The following CCDC149 variants were observed in gnomAD, a reference collection of about 807,000 sequenced individuals.
CCDC149 encodes the protein coiled-coil domain containing 149.
CCDC149 carries 45 observed loss-of-function variants against 59.9 expected under a neutral mutation model. The ratio of observed to expected loss-of-function variants is 0.75; its 90% CI spans 0.59 to 0.96. The LOEUF is 0.96. CCDC149 is among the 40% of genes least tolerant of loss of function. The pLI, the probability that CCDC149 is intolerant of heterozygous loss-of-function variation, is 0.00. For missense variants in CCDC149, 584 were observed against 664.7 expected, an observed-to-expected ratio of 0.88 and a Z score of 1.33; for synonymous variants, 245 against 260.6, an observed-to-expected ratio of 0.94 and a Z score of 0.58.
Position 24,814,785 on chromosome 4 carries a change from T to C in CCDC149, c.1192+5074A>G, listed in dbSNP as rs542028580. ...ATTCAAGGCCTTCCACGACTCAACA[T>C]CCATCTACATTTCTACCTGGCAAAC... On this transcript the variant is annotated intron_variant, in intron 12 of 12. Transcript: ENST00000635206. 3.9e-5 allele frequency among the ~76,000 whole-genome samples: 6 copies of C among 152,094 alleles called. No homozygotes were observed. The South Asian group carries it at 1.2e-3, about 32-fold the overall frequency.
chr4:24,848,367 G>A (rs899052986), intron 4 of CCDC149, among the ~76,000 whole-genome samples: 1 of 152,066 alleles, frequency 6.6e-6, no homozygotes, highest in South Asian at 2.1e-4. Flanking sequence ...TCAAGAGATC[G>A]AGACCATCCT....
rs907777506 is a variant in CCDC149, at chr4:24,912,991, T to C, written c.-112A>G. ...AGAGGGCCCGGCGCCTCCGAGCCGC[T>C]GCGCCGCCGCCTCTCGCGGCCGCCA... On this transcript the variant is annotated 5_prime_UTR_variant, in exon 1 of 13. Transcript: ENST00000635206. The C allele has an allele frequency of 4.6e-5, 14 of 307,034 alleles. No homozygotes were observed. The highest frequency in any genetic ancestry group is 3.0e-4 in the African/African-American group (13 of 43,780). 19.0% of individuals were successfully genotyped at this position (307,034 alleles called of 1,614,324 possible).
intron 11 of CCDC149, among the ~76,000 whole-genome samples, chr4:24,820,810 A>C (rs771554398): frequency 2.6e-5 from 4 of 152,178 alleles, no homozygotes; most frequent in Non-Finnish European, 5.9e-5. Context: ...CTTTGTATCT[A>C]TGTGGAGACC....
Position 24,882,672 on chromosome 4 carries a change from A to C in CCDC149, c.64-5975T>G, listed in dbSNP as rs372553619. 4.6e-5 allele frequency among the ~76,000 whole-genome samples: 7 copies of C among 152,288 alleles called. No individual in the cohort carries two copies. In the East Asian group the frequency reaches 1.4e-3, roughly 29 times the overall value. ...TTCATGTATTTGCTGAAGAAAAATC[A>C]GTGTGTTTGATCCCTGGCTGCTGCC... is the stretch of plus-strand genomic sequence containing the variant. On this transcript the variant is annotated intron_variant, in intron 1 of 12. Transcript: ENST00000635206.
intron 12 of CCDC149, among the ~76,000 whole-genome samples, chr4:24,811,872 C>CAAA (rs35269758): frequency 1.3e-4 from 17 of 135,012 alleles, no homozygotes; most frequent in African/African-American, 4.4e-4. Flanking sequence ...GACTCCGACT[C>CAAA]AAAAAAAAAA....
chr4:24,891,133 A>G (rs546407459), intron 1 of CCDC149, among the ~76,000 whole-genome samples: 3 of 152,170 alleles, frequency 2.0e-5, no homozygotes, highest in South Asian at 2.1e-4. Context: ...CTTTCCATAA[A>G]CTCCAGATAC....
In CCDC149 at chr4:24,952,361, G is replaced by T. The variant is rs1723315173; in HGVS notation, c.-65+27708C>A. Reference sequence around the variant, plus strand: ...AATCCCAGCATTTTGGGATGCCAAGGCAGGAGGATCACTTGAGGTCGGGAG... The same window carrying T: ...AATCCCAGCATTTTGGGATGCCAAGTCAGGAGGATCACTTGAGGTCGGGAG... On this transcript the variant is annotated intron_variant, in intron 1 of 12. Transcript: ENST00000389609. Among the ~76,000 whole-genome samples the T allele has an allele frequency of 2.6e-5, 4 of 151,788 alleles. No homozygotes were observed. In the South Asian group the frequency reaches 8.3e-4, roughly 32 times the overall value.
At chr4:24,864,257 T>C (rs1486855364) in intron 3 of CCDC149, among the ~76,000 whole-genome samples, 3 of 152,186 alleles carry the variant, frequency 2.0e-5, no homozygotes, top group African/African-American at 7.2e-5. Flanking sequence ...AAAGGTTAGG[T>C]ATCATTAAAT....
chr4:24,943,178 T>C (rs1722999078), intron 1 of CCDC149, among the ~76,000 whole-genome samples: 1 of 152,180 alleles, frequency 6.6e-6, no homozygotes, highest in Admixed American at 6.5e-5. Flanking sequence ...CAAAACAGCA[T>C]GGTACTGGTA....
At chr4:24,921,404 C>A (rs910135433) in intron 1 of CCDC149, among the ~76,000 whole-genome samples, 5 of 152,230 alleles carry the variant, frequency 3.3e-5, no homozygotes, top group African/African-American at 7.2e-5. Context: ...TTCTCTCCCC[C>A]ATTCAACACC....
At chr4:24,908,232 C>T (rs1223752768) in intron 1 of CCDC149, among the ~76,000 whole-genome samples, 1 of 152,154 alleles carries the variant, frequency 6.6e-6, no homozygotes, top group Non-Finnish European at 1.5e-5. Flanking sequence ...CTAAGCTGAT[C>T]CACTTTGGTT....
intron 1 of CCDC149, among the ~76,000 whole-genome samples, chr4:24,924,812 C>T (rs1258141896): frequency 6.6e-6 from 1 of 152,128 alleles, no homozygotes; most frequent in African/African-American, 2.4e-5. Context: ...GTCCAGATGC[C>T]ACCTCTTGAG....
intron 4 of CCDC149, among the ~76,000 whole-genome samples, chr4:24,852,371 G>A (rs1344531596): frequency 6.7e-6 from 1 of 149,914 alleles, no homozygotes; most frequent in Non-Finnish European, 1.5e-5. Context: ...CATCTCTGTT[G>A]CAAAAGCCAC....
chr4:24,875,187 G>A (rs928101176), intron 2 of CCDC149, among the ~76,000 whole-genome samples: 6 of 151,930 alleles, frequency 3.9e-5, no homozygotes, highest in African/African-American at 1.2e-4. Context: ...AAAATTAGCC[G>A]AGCATGGTGG....
In CCDC149 at chr4:24,809,303, T is replaced by C. The variant is rs192099876; in HGVS notation, c.1193-484A>G. Among the ~76,000 whole-genome samples, 197 of 152,348 alleles carry C rather than the reference T, an allele frequency of 1.3e-3. 1 individual carries two copies. The highest frequency in any genetic ancestry group is 4.5e-3 in the African/African-American group (189 of 41,572). ...CGATTCTCCATCAGCATCTCATTCC[T>C]TAATGCGGACACCTAGTGTTCCTCA... is the stretch of plus-strand genomic sequence containing the variant. On this transcript the variant is annotated intron_variant, in intron 12 of 12. Coordinates refer to ENST00000635206, the MANE Select transcript of CCDC149 (RefSeq NM_001330643.2).
intron 1 of CCDC149, among the ~76,000 whole-genome samples, chr4:24,926,740 G>A (rs187179660): frequency 2.0e-4 from 31 of 152,268 alleles, no homozygotes; most frequent in African/African-American, 7.2e-4. Flanking sequence ...CCTGTTTAGG[G>A]TCTCAGCTGG....
intron 1 of CCDC149, among the ~76,000 whole-genome samples, chr4:24,956,725 C>G (rs1352685149): frequency 6.6e-6 from 1 of 152,170 alleles, no homozygotes; most frequent in Non-Finnish European, 1.5e-5. Context: ...GACATTTCAT[C>G]CAAAGTAAAT....
At chr4:24,970,020 T>C (rs1289548804) in intron 1 of CCDC149, among the ~76,000 whole-genome samples, 1 of 152,228 alleles carries the variant, frequency 6.6e-6, no homozygotes, top group Non-Finnish European at 1.5e-5. Context: ...TTGGCACAGA[T>C]ACAGGACTCA....
intron 9 of CCDC149, 94 bp from the exon 10 acceptor site, chr4:24,822,667 G>A: frequency 1.3e-6 from 1 of 790,286 alleles, no homozygotes; most frequent in Non-Finnish European, 2.0e-6. Flanking sequence ...GAAAAGTGTT[G>A]AGATTTATGA....
Sources: allele counts gnomAD v4.1 joint callset (sites outside exome capture counted in the v4.1 genomes callset), GRCh38; gene constraint gnomAD v4.1.1; transcripts MANE v1.5; gene names NCBI Gene and HGNC (gene_info 2026-07-23, HGNC 2026-07-21).